ANKS1A: variants seen among roughly 807,000 people sequenced by gnomAD.
ANKS1A encodes the protein ankyrin repeat and SAM domain-containing protein 1A.
A neutral mutation model predicts 120.3 loss-of-function variants in ANKS1A; 55 were observed. That is an observed-to-expected ratio of 0.46 (90% CI 0.37 to 0.57). The LOEUF (loss-of-function observed/expected upper bound fraction) is 0.57, where lower values mean the gene tolerates loss of function less well. ANKS1A is among the 20% of genes least tolerant of loss of function. The probability of loss-of-function intolerance (pLI) is 0.00; values close to 1 mark genes in which losing one functional copy is unlikely to be tolerated. For missense variants in ANKS1A, 1,123 were observed against 1,480.3 expected, an observed-to-expected ratio of 0.76 and a Z score of 3.96; for synonymous variants, 590 against 604.7, an observed-to-expected ratio of 0.98 and a Z score of 0.36.
intron 1 of ANKS1A, among the ~76,000 whole-genome samples, chr6:34,952,691 C>T (rs533081713): frequency 9.9e-5 from 15 of 151,594 alleles, no homozygotes; most frequent in Middle Eastern, 3.4e-3. Flanking sequence ...TAAATAACTT[C>T]GAAGAATATA....
chr6:35,085,982 G>T lies in ANKS1A; in HGVS notation c.3303+46G>T. 1 of 1,544,696 alleles carries T rather than the reference G, an allele frequency of 6.5e-7. No individual in the cohort carries two copies. Among genetic ancestry groups the T allele is most frequent in the South Asian group, 1.2e-5 (1 of 80,958 alleles). On this transcript the variant is annotated intron_variant, in intron 22 of 23. Transcript: ENST00000360359. This position sits in a 1 kb window ranked among gnomAD's most constrained non-coding sequence, Gnocchi z 4.7. ...AAGATCCCCCTCTCCCTGGCCCCAG[G>T]GATTCAAGGGCTCAGGGTGGTCAGC...
Position 34,989,150 on chromosome 6 carries a change from AAGATG to A in ANKS1A, c.1210-71_1210-67del. On this transcript the variant is annotated intron_variant, in intron 8 of 23. Transcript: ENST00000360359. ...ATTATTTTTTTCATTTCTAAGGGCT[AAGATG>A]AGGGCAAACCAAAAAATTAGATACT... 8 of 1,413,508 alleles carry A rather than the reference AAGATG, an allele frequency of 5.7e-6. No homozygotes were observed. In the South Asian group the frequency reaches 9.7e-5, roughly 17 times the overall value. 87.6% of individuals were successfully genotyped at this position (1,413,508 alleles called of 1,614,324 possible). A position where few individuals can be genotyped will look rare whatever the true frequency, so the allele number is the denominator to read the frequency against.
Position 35,055,417 on chromosome 6 carries a change from C to T in ANKS1A, c.2077+1252C>T, listed in dbSNP as rs1010225765. 3.6e-4 allele frequency among the ~76,000 whole-genome samples: 54 copies of T among 152,006 alleles called. 2 individuals carry two copies. The highest frequency in any genetic ancestry group is 5.9e-5 in the Non-Finnish European group (4 of 68,008). ...TAATCTTGGCTCATTGTAACCTCCG[C>T]CTCCTGGGTTCAAGCGTTTCTCCTG... On this transcript the variant is annotated intron_variant, in intron 12 of 23. Transcript: ENST00000360359.
At chr6:35,034,689 A>T (rs1356195409) in intron 11 of ANKS1A, among the ~76,000 whole-genome samples, 4 of 152,214 alleles carry the variant, frequency 2.6e-5, no homozygotes, top group African/African-American at 9.7e-5. Flanking sequence ...AATTTTATGT[A>T]ATAAGGTAAT....
At chr6:35,054,224 T>C in intron 12 of ANKS1A, 59 bp downstream of exon 12, 2 of 1,532,164 alleles carry the variant, frequency 1.3e-6, no homozygotes, top group Non-Finnish European at 1.8e-6. Context: ...CTTTTCTGGC[T>C]CAGGCTTTCC....
At chr6:34,997,871 G>A (rs1207258229) in intron 10 of ANKS1A, among the ~76,000 whole-genome samples, 1 of 152,228 alleles carries the variant, frequency 6.6e-6, no homozygotes, top group African/African-American at 2.4e-5. Context: ...GTTAAGGAAG[G>A]AACTGCCAAG....
In ANKS1A at chr6:35,088,740, T is replaced by C; in HGVS notation, c.*131T>C. The C allele has an allele frequency of 6.3e-7, 1 of 1,591,626 alleles. No homozygotes were observed. The highest frequency in any genetic ancestry group is 1.3e-5 in the African/African-American group (1 of 74,352). On this transcript the variant is annotated 3_prime_UTR_variant, in exon 24 of 24. Transcript: ENST00000360359. ...CACCTCCGCCTGCAGGACCTCCTCTTGGCCACTTGGCCTGGGCCTGCCACC... is the reference window on the plus strand; with the variant it reads ...CACCTCCGCCTGCAGGACCTCCTCTCGGCCACTTGGCCTGGGCCTGCCACC...
rs1298853117 is a variant in ANKS1A at position 34,989,269 on chromosome 6, G to A, written c.1255G>A (p.Glu419Lys). The A allele has an allele frequency of 1.9e-6, 3 of 1,614,086 alleles. No homozygotes were observed. In the Admixed American group the frequency reaches 5.0e-5, roughly 27 times the overall value. The change falls in exon 9 of 24, where the codon GAA (glutamate) becomes AAA (lysine). Residue 419 changes from glutamate (E) to lysine (K), a missense_variant. Glu to Lys is a moderately conservative substitution (Grantham distance 56, BLOSUM62 1). Coordinates refer to ENST00000360359, the MANE Select transcript of ANKS1A (RefSeq NM_015245.3). ...AGCAAAGCCACCGCCCGATGAAGAG[G>A]AAGAAGACCACATAGATAAGAAGTA... ...PPAKPPPDEEEEDHIDKKYFP... is the reference protein window; with the variant it reads ...PPAKPPPDEEKEDHIDKKYFP...
intron 13 of ANKS1A, among the ~76,000 whole-genome samples, chr6:35,062,318 A>G (rs961554315): frequency 6.6e-6 from 1 of 152,218 alleles, no homozygotes; most frequent in South Asian, 2.1e-4. Flanking sequence ...ATCCTGGGTA[A>G]CCACGTGTGA....
chr6:34,910,870 A>C (rs1218069151), intron 1 of ANKS1A, among the ~76,000 whole-genome samples: 4 of 151,940 alleles, frequency 2.6e-5, no homozygotes, highest in African/African-American at 9.7e-5. Context: ...CAAAAAAAAA[A>C]AAAAAGAAAG....
At chr6:35,001,386 T>C (rs1045106097) in intron 10 of ANKS1A, among the ~76,000 whole-genome samples, 3 of 151,910 alleles carry the variant, frequency 2.0e-5, no homozygotes, top group South Asian at 2.1e-4. Context: ...GCAATTGTTA[T>C]GCTTGTGCAC....
At position 35,060,280 on chromosome 6, in the gene ANKS1A, G is replaced by A; in HGVS notation, c.2184+27G>A. On this transcript the variant is annotated intron_variant, in intron 13 of 23. Coordinates refer to ENST00000360359, the MANE Select transcript of ANKS1A (RefSeq NM_015245.3). The surrounding 1 kb of genome is among the most constrained non-coding windows in gnomAD (Gnocchi z 4.5). The stretch of plus-strand genomic sequence containing the variant: ...TAAGTGGCTGCAGGCCTCCTCAATG[G>A]CAGGGTGCTGCTCAGTGGAAACAGG... 2 of 1,586,434 alleles carry A rather than the reference G, an allele frequency of 1.3e-6. No homozygotes were observed. The highest frequency in any genetic ancestry group is 1.7e-6 in the Non-Finnish European group (2 of 1,163,754).
At chr6:35,011,057 C>T (rs1002399949) in intron 10 of ANKS1A, among the ~76,000 whole-genome samples, 3 of 152,154 alleles carry the variant, frequency 2.0e-5, no homozygotes, top group African/African-American at 7.2e-5. Flanking sequence ...CTTTAAGCCT[C>T]AGTTTCTACA....
intron 1 of ANKS1A, among the ~76,000 whole-genome samples, chr6:34,950,222 CTTTTTTTTTT>C (rs747865614): frequency 4.1e-5 from 4 of 97,542 alleles, no homozygotes; most frequent in East Asian, 3.4e-4. Flanking sequence ...TCTTTTCTCT[CTTTTTTTTTT>C]TTTTTTTTTT....
chr6:34,914,901 G>T (rs568128484), intron 1 of ANKS1A, among the ~76,000 whole-genome samples: 1 of 152,188 alleles, frequency 6.6e-6, no homozygotes, highest in African/African-American at 2.4e-5. Flanking sequence ...GAGCTTCTGG[G>T]AGCAGCAGTC....
chr6:35,082,744 C>T lies in ANKS1A; in HGVS notation c.2763C>T (p.Pro921=). 6.2e-7 allele frequency: 1 copy of T among 1,613,924 alleles called. No homozygotes were observed. Among genetic ancestry groups the T allele is most frequent in the South Asian group, 1.1e-5 (1 of 91,064 alleles). ...TGCGGCCCCCGAGCCTGGCAGCCCC[C>T]TACGCCCCAGTGCAGAGTTGGCAAC... The part of the protein sequence containing the change: ...LTLRPPSLAA[P]YAPVQSWQHQ... Residue 921 remains proline (P), a synonymous_variant, in exon 18 of 24, where the codon CCC becomes CCT. Coordinates refer to ENST00000360359, the MANE Select transcript of ANKS1A (RefSeq NM_015245.3). The surrounding 1 kb of genome is among the most constrained non-coding windows in gnomAD (Gnocchi z 4.1).
In ANKS1A at chr6:34,971,982, C is replaced by T. The variant is rs9380477; in HGVS notation, c.435+1816C>T. On this transcript the variant is annotated intron_variant, in intron 3 of 23. Transcript: ENST00000360359. ...TTTAGAATCTAAGTGCAATTTTACT[C>T]CTTCTAGCTAAAGTGGTCATTTCTC... is the stretch of plus-strand genomic sequence containing the variant. 6.0e-4 allele frequency among the ~76,000 whole-genome samples: 92 copies of T among 152,314 alleles called. 1 individual carries two copies. The East Asian group carries it at 0.014, about 23-fold the overall frequency.
chr6:35,036,680 T>C (rs1265305310), intron 11 of ANKS1A, among the ~76,000 whole-genome samples: 1 of 152,254 alleles, frequency 6.6e-6, no homozygotes, highest in Non-Finnish European at 1.5e-5. Context: ...TTCTGCCAGT[T>C]TTCTAGAAAC....
intron 1 of ANKS1A, among the ~76,000 whole-genome samples, chr6:34,957,627 C>T (rs756985879): frequency 3.3e-5 from 5 of 152,300 alleles, no homozygotes; most frequent in African/African-American, 4.8e-5. Flanking sequence ...TGGAGAGCTG[C>T]CTAGGACCTC....
Sources: gnomAD v4.1 joint callset for allele counts (sites outside exome capture counted in the v4.1 genomes callset) on GRCh38, gnomAD v4.1.1 for gene constraint, Gnocchi (gnomAD v3.1) non-coding constraint, MANE v1.5 for transcripts, NCBI Gene and HGNC (gene_info 2026-07-23, HGNC 2026-07-21) for gene names.